AP5Z1: variants seen among roughly 807,000 people sequenced by gnomAD.
AP5Z1 encodes AP-5 complex subunit zeta-1.
Under a neutral mutation model 83.0 loss-of-function variants are expected in AP5Z1, and 106 were observed. The observed-to-expected ratio is 1.28, with a 90% confidence interval of 1.09 to 1.50. The LOEUF (loss-of-function observed/expected upper bound fraction) is 1.50. Ranked by LOEUF, AP5Z1 falls within the 40% of genes most tolerant of loss-of-function variation. The pLI, the probability that AP5Z1 is intolerant of heterozygous loss-of-function variation, is 0.00. For synonymous variants in AP5Z1, 751 were observed against 514.1 expected, an observed-to-expected ratio of 1.46 and a Z score of -6.23; for missense variants, 1,565 against 1,094.2, an observed-to-expected ratio of 1.43 and a Z score of -6.07.
chr7:4,790,047 C>CAGCCTCAGA (rs1781705062), intron 14 of AP5Z1, 118 bp downstream of exon 14: 1 of 1,163,258 alleles, frequency 8.6e-7, no homozygotes, highest in Non-Finnish European at 1.2e-6. Flanking sequence ...GGGCCCTCAG[C>CAGCCTCAGA]AGCCTCAGAC....
rs760503818 is a variant in AP5Z1 at position 4,784,284 on chromosome 7, G to A, written c.703G>A (p.Asp235Asn). ...VLSSGHRFTD[D>N]QWLNVQAFSM... ...CTCCAGCGGCCACCGCTTCACAGAC[G>A]ACCAGTGGCTGAACGTGCAGGCCTT... The change falls in exon 6 of 17, where the codon GAC (aspartate) becomes AAC (asparagine). Residue 235 changes from aspartate to asparagine, a missense_variant. By Grantham distance (23) the Asp-to-Asn change is conservative. Coordinates refer to ENST00000649063, the MANE Select transcript of AP5Z1 (RefSeq NM_014855.3). 38 of 1,599,906 alleles carry A rather than the reference G, an allele frequency of 2.4e-5. No homozygotes were observed. The highest frequency in any genetic ancestry group is 8.0e-5 in the African/African-American group (6 of 74,574).
At chr7:4,776,771 A>G (rs1378438922) in intron 1 of AP5Z1, among the ~76,000 whole-genome samples, 1 of 152,028 alleles carries the variant, frequency 6.6e-6, no homozygotes, top group African/African-American at 2.4e-5. Flanking sequence ...AAATACAGCC[A>G]GCACTACAGC....
At chr7:4,784,465 C>T (rs1466440087) in intron 6 of AP5Z1, 94 bp downstream of exon 6, 10 of 1,416,892 alleles carry the variant, frequency 7.1e-6, no homozygotes, top group Admixed American at 2.2e-5. Flanking sequence ...TGGGGGGACT[C>T]GGGTGTGCCC....
intron 9 of AP5Z1, 76 bp downstream of exon 9, chr7:4,785,760 C>A: frequency 2.6e-6 from 3 of 1,140,584 alleles, no homozygotes; most frequent in Non-Finnish European, 1.1e-6. Flanking sequence ...TTCTTCTTCC[C>A]TTTTTTTTTT....
In AP5Z1 at chr7:4,792,657, G is replaced by A. The variant is rs1413894035; in HGVS notation, c.*1272G>A. The A allele has an allele frequency of 6.6e-6, 1 of 152,324 alleles. No homozygotes were observed. The highest frequency in any genetic ancestry group is 6.5e-5 in the Admixed American group (1 of 15,308). The allele number at this position is 152,324 out of a possible 1,614,324, so 9.4% of individuals were successfully genotyped here. On this transcript the variant is annotated 3_prime_UTR_variant, in exon 17 of 17. Coordinates refer to ENST00000649063, the MANE Select transcript of AP5Z1 (RefSeq NM_014855.3). ...CTCCAGGACGGCTGGTGTCCCCCGCGGCCTGCGATGACAGCCCAGGGCCGC... is the reference window on the plus strand; with the variant it reads ...CTCCAGGACGGCTGGTGTCCCCCGCAGCCTGCGATGACAGCCCAGGGCCGC...
chr7:4,786,185 C>T (rs1172617289), intron 9 of AP5Z1, 65 bp from the exon 10 acceptor site: 31 of 1,480,598 alleles, frequency 2.1e-5, no homozygotes, highest in African/African-American at 2.8e-5. Flanking sequence ...GGGCCCCTAA[C>T]CAGTCACAGA....
At chr7:4,786,544 C>G in intron 10 of AP5Z1, 116 bp downstream of exon 10, 3 of 1,228,098 alleles carry the variant, frequency 2.4e-6, no homozygotes, top group Non-Finnish European at 3.4e-6. Context: ...CCCTGTGAGT[C>G]CCGGGCCTGG....
At chr7:4,787,873 C>T (rs972942126) in intron 11 of AP5Z1, 97 bp downstream of exon 11, 6 of 1,390,626 alleles carry the variant, frequency 4.3e-6, no homozygotes, top group African/African-American at 2.9e-5. Flanking sequence ...ACACCGGGGA[C>T]CCTCCTTCTT....
intron 10 of AP5Z1, among the ~76,000 whole-genome samples, chr7:4,787,433 C>G (rs943879621): frequency 2.0e-5 from 3 of 152,106 alleles, no homozygotes; most frequent in Admixed American, 2.0e-4. Context: ...TTGCAGTGAG[C>G]TATGATTGCA....
rs911662953 is a variant in AP5Z1, at chr7:4,783,136, G to A, written c.367-180G>A. 3.9e-5 allele frequency among the ~76,000 whole-genome samples: 6 copies of A among 152,348 alleles called. No individual in the cohort carries two copies. The East Asian group carries it at 5.8e-4, about 15-fold the overall frequency. ...ATGCAGCTCCCAGGGAGAGAGGCTGGAGGCGGAGCAGGCACCTTGTGGCCC... is the reference window on the plus strand; with the variant it reads ...ATGCAGCTCCCAGGGAGAGAGGCTGAAGGCGGAGCAGGCACCTTGTGGCCC... On this transcript the variant is annotated intron_variant, in intron 3 of 16. Transcript: ENST00000649063.
In AP5Z1 at chr7:4,791,116, G is replaced by A. The variant is rs780512257; in HGVS notation, c.2155G>A (p.Ala719Thr). Residue 719 changes from alanine (A) to threonine (T), a missense_variant and splice_region_variant, in exon 17 of 17, where the codon GCC (alanine) becomes ACC (threonine). Transcript: ENST00000649063. ...ASRSQDLIPRASLLLSKMRTL... is the reference protein window; with the variant it reads ...ASRSQDLIPRTSLLLSKMRTL... ...GACGGAGGGACCTTCTTTCCCCAGG[G>A]CCTCTTTATTGCTGTCAAAGATGAG... The A allele has an allele frequency of 2.1e-5, 34 of 1,587,398 alleles. No individual in the cohort carries two copies. The highest frequency in any genetic ancestry group is 2.7e-5 in the Non-Finnish European group (32 of 1,165,566).
At chr7:4,778,841 A>G (rs1347204653) in intron 1 of AP5Z1, among the ~76,000 whole-genome samples, 2 of 144,978 alleles carry the variant, frequency 1.4e-5, no homozygotes, top group Non-Finnish European at 1.5e-5. Context: ...CATTATATAT[A>G]ATATATAATG....
rs762066062 is a variant in AP5Z1 at position 4,790,735 on chromosome 7, C to G, written c.2001C>G (p.Ile667Met). The G allele has an allele frequency of 1.6e-5, 26 of 1,610,542 alleles. No individual in the cohort carries two copies. Among genetic ancestry groups the G allele is most frequent in the South Asian group, 3.3e-5 (3 of 90,748 alleles). Residue 667 changes from isoleucine to methionine, a missense_variant, in exon 16 of 17, where the codon ATC (isoleucine) becomes ATG (methionine). Coordinates refer to ENST00000649063, the MANE Select transcript of AP5Z1 (RefSeq NM_014855.3). ...ATCGGAGGTGCACCGTGGAGCAGAT[C>G]AACAAGTTCTTCGAAGCCCTGGAGG... is the stretch of plus-strand genomic sequence containing the variant. ...TYDRRCTVEQ[I>M]NKFFEALEAL...
chr7:4,783,850 C>T, intron 5 of AP5Z1, 52 bp downstream of exon 5: 2 of 1,506,208 alleles, frequency 1.3e-6, no homozygotes, highest in Non-Finnish European at 8.9e-7. Context: ...CAGACAACCC[C>T]TCCCTGAGAG....
At position 4,786,404 on chromosome 7, in the gene AP5Z1, A is replaced by T; in HGVS notation, c.1287A>T (p.Arg429Ser). 1 of 1,613,792 alleles carries T rather than the reference A, an allele frequency of 6.2e-7. No individual in the cohort carries two copies. Among genetic ancestry groups the T allele is most frequent in the African/African-American group, 1.3e-5 (1 of 75,024 alleles). The part of the protein sequence containing the change: ...HLFSGHLSTL[R>S]LSFPNLFKFL... ...TCAGCGGGCACCTCAGCACCCTCAG[A>T]TTGAGCTTCCCCAACCTCTTTAAGG... is the stretch of plus-strand genomic sequence containing the variant. Residue 429 changes from arginine to serine, a missense_variant, in exon 10 of 17, where the codon AGA becomes AGT. Coordinates refer to ENST00000649063, the MANE Select transcript of AP5Z1 (RefSeq NM_014855.3).
In AP5Z1 at chr7:4,786,244, T is replaced by C. The variant is rs1781539695; in HGVS notation, c.1133-6T>C. The C allele has an allele frequency of 1.3e-6, 2 of 1,597,240 alleles. No individual in the cohort carries two copies. Among genetic ancestry groups the C allele is most frequent in the Admixed American group, 1.7e-5 (1 of 58,980 alleles). On this transcript the variant is annotated splice_region_variant and splice_polypyrimidine_tract_variant and intron_variant, in intron 9 of 16. Transcript: ENST00000649063. ...ACGTGTGCCCTGGCGGGCCCTGGTC[T>C]TGCAGGGGAAGCGGCTGCAGTGGAC...
rs1033626766 is a variant in AP5Z1, at chr7:4,786,270, T to G, written c.1153T>G (p.Ser385Ala). 1 of 1,609,744 alleles carries G rather than the reference T, an allele frequency of 6.2e-7. No individual in the cohort carries two copies. The highest frequency in any genetic ancestry group is 1.3e-5 in the African/African-American group (1 of 74,832). Residue 385 changes from serine to alanine, a missense_variant, in exon 10 of 17, where the codon TCG becomes GCG. Ser to Ala is a moderately conservative substitution (Grantham distance 99). Transcript: ENST00000649063. ...TGCAGGGGAAGCGGCTGCAGTGGACTCGGAAGCCGTCTACCAGCACCTGTT... is the reference window on the plus strand; with the variant it reads ...TGCAGGGGAAGCGGCTGCAGTGGACGCGGAAGCCGTCTACCAGCACCTGTT... ...LSHGEAAAVD[S>A]EAVYQHLFTR... is the part of the protein sequence containing the mutation.
rs558941021 is a variant in AP5Z1 at position 4,783,564 on chromosome 7, G to T, written c.511+104G>T. The T allele has an allele frequency of 6.5e-6, 10 of 1,542,228 alleles. No individual in the cohort carries two copies. The African/African-American group carries it at 1.4e-4, about 21-fold the overall frequency. On this transcript the variant is annotated intron_variant, in intron 4 of 16. Coordinates refer to ENST00000649063, the MANE Select transcript of AP5Z1 (RefSeq NM_014855.3). ...AGTGTGGGGGGCAGGTGGGGGACAC[G>T]GGGAGGCCCGAGGGTTTGGGACGCT...
chr7:4,780,661 A>G (rs192420846), intron 1 of AP5Z1, among the ~76,000 whole-genome samples: 3 of 152,218 alleles, frequency 2.0e-5, no homozygotes, highest in East Asian at 3.9e-4. Flanking sequence ...ATCTACTCGG[A>G]AGACTGAGGC....
Sources: allele counts gnomAD v4.1 joint callset (sites outside exome capture counted in the v4.1 genomes callset), GRCh38; gene constraint gnomAD v4.1.1; transcripts MANE v1.5; gene names NCBI Gene and HGNC (gene_info 2026-07-23, HGNC 2026-07-21).